Variants in FSTL5 observed in about 807,000 individuals in gnomAD.
The protein encoded by FSTL5 is follistatin like 5, also known as follistatin-related protein 5.
Under a neutral mutation model 89.1 loss-of-function variants are expected in FSTL5, and 62 were observed. That is an observed-to-expected ratio of 0.70 (90% CI 0.57 to 0.86). The LOEUF is 0.86. FSTL5 is among the 40% of genes least tolerant of loss of function. The probability of loss-of-function intolerance (pLI) is 0.00; values close to 1 mark genes in which losing one functional copy is unlikely to be tolerated. For synonymous variants in FSTL5, 383 were observed against 346.2 expected (o/e 1.11, Z -1.18); for missense variants, 1,057 against 1,001.6 (o/e 1.06, Z -0.75).
chr4:161,417,028 T>C (rs1436747188), intron 15 of FSTL5, among the ~76,000 whole-genome samples: 1 of 152,130 alleles, frequency 6.6e-6, no homozygotes, highest in African/African-American at 2.4e-5. Context: ...TGTCTTGGGT[T>C]TTTATTTAGA....
rs1560840948 is a variant in FSTL5, at chr4:161,779,797, A to ATGTATATATATACG, written c.410-3724_410-3723insCGTATATATATACA. ...TATGTATATATATATATATATATAT[A>ATGTATATATATACG]TATATATATATATGTATATATATAT... is the stretch of plus-strand genomic sequence containing the variant. On this transcript the variant is annotated intron_variant, in intron 4 of 15. Coordinates refer to ENST00000306100, the MANE Select transcript of FSTL5 (RefSeq NM_020116.5). 5.7e-5 allele frequency among the ~76,000 whole-genome samples: 3 copies of ATGTATATATATACG among 52,198 alleles called. No homozygotes were observed. The East Asian group carries it at 1.6e-3, about 28-fold the overall frequency. 34.2% of individuals were successfully genotyped at this position (52,198 alleles called of 152,430 possible).
chr4:161,609,005 A>T (rs1165848848), intron 7 of FSTL5, among the ~76,000 whole-genome samples: 5 of 151,986 alleles, frequency 3.3e-5, no homozygotes, highest in African/African-American at 9.7e-5. Context: ...TGTATATTTT[A>T]TCATATTAAC....
chr4:161,743,007 T>C (rs1203525251), intron 6 of FSTL5, among the ~76,000 whole-genome samples: 1 of 152,160 alleles, frequency 6.6e-6, no homozygotes, highest in African/African-American at 2.4e-5. Context: ...TACCATTCCT[T>C]GGGTGGTCTT....
intron 3 of FSTL5, among the ~76,000 whole-genome samples, chr4:161,980,094 A>AAAAAAAAG (rs141935451): frequency 1.3e-5 from 2 of 148,940 alleles, no homozygotes; most frequent in African/African-American, 5.0e-5. Context: ...AGAAAAAAGA[A>AAAAAAAAG]AAAGAAAGAG....
chr4:162,140,221 T>C (rs376850989), intron 1 of FSTL5, among the ~76,000 whole-genome samples: 2 of 152,138 alleles, frequency 1.3e-5, no homozygotes, highest in African/African-American at 2.4e-5. Context: ...CTATTCACCA[T>C]GTCTAGTAAG....
chr4:161,532,850 C>T (rs1032378359), intron 10 of FSTL5, among the ~76,000 whole-genome samples: 1 of 151,708 alleles, frequency 6.6e-6, no homozygotes. Context: ...TTAATAAATG[C>T]AAAAAAATCA....
intron 4 of FSTL5, among the ~76,000 whole-genome samples, chr4:161,840,663 G>A (rs975369912): frequency 6.6e-5 from 10 of 152,126 alleles, no homozygotes; most frequent in African/African-American, 1.4e-4. Flanking sequence ...TCTCACTCCC[G>A]CCTAATCTGT....
chr4:161,500,689 C>A (rs953010147), intron 11 of FSTL5, among the ~76,000 whole-genome samples: 1 of 152,044 alleles, frequency 6.6e-6, no homozygotes, highest in Admixed American at 6.6e-5. Context: ...TTAATATTGG[C>A]AATTTGGGAA....
chr4:161,796,243 C>T (rs1039577947), intron 4 of FSTL5, among the ~76,000 whole-genome samples: 7 of 151,744 alleles, frequency 4.6e-5, no homozygotes, highest in Non-Finnish European at 7.4e-5. Context: ...TTAACTTAGT[C>T]GAAAGTTTCC....
At chr4:161,519,048 C>G (rs1204100514) in intron 10 of FSTL5, among the ~76,000 whole-genome samples, 1 of 152,118 alleles carries the variant, frequency 6.6e-6, no homozygotes, top group Admixed American at 6.5e-5. Context: ...TGGGTTTCTC[C>G]CAGAAATGTG....
At chr4:161,924,274 C>T (rs1444382415) in intron 3 of FSTL5, among the ~76,000 whole-genome samples, 1 of 151,086 alleles carries the variant, frequency 6.6e-6, no homozygotes, top group Non-Finnish European at 1.5e-5. Context: ...AAAGACTAAA[C>T]ATACCAAGCA....
intron 4 of FSTL5, among the ~76,000 whole-genome samples, chr4:161,803,622 T>C (rs1005567838): frequency 4.6e-5 from 7 of 151,910 alleles, no homozygotes; most frequent in Admixed American, 3.9e-4. Context: ...TTACCCAAAA[T>C]ACTCATATTG....
chr4:162,141,105 TC>T (rs1732716267), intron 1 of FSTL5, among the ~76,000 whole-genome samples: 1 of 99,126 alleles, frequency 1.0e-5, no homozygotes, highest in Admixed American at 1.2e-4. Flanking sequence ...CTCCCTTCTC[TC>T]TTTTTTTTTT....
chr4:162,142,918 T>C (rs1309645035), intron 1 of FSTL5, among the ~76,000 whole-genome samples: 1 of 152,196 alleles, frequency 6.6e-6, no homozygotes, highest in Non-Finnish European at 1.5e-5. Flanking sequence ...TATGTATGCA[T>C]AATACCTAAT....
Position 162,007,177 on chromosome 4 carries a change from C to T in FSTL5, c.160+26448G>A, listed in dbSNP as rs894866806. Among the ~76,000 whole-genome samples, 3 of 151,702 alleles carry T rather than the reference C, an allele frequency of 2.0e-5. No individual in the cohort carries two copies. The East Asian group carries it at 5.8e-4, about 29-fold the overall frequency. ...TTGTTTAATTTAAAATGACATAAAGCGAATTGCTATCCTAGAGGAGTGCTA... is the reference window on the plus strand; with the variant it reads ...TTGTTTAATTTAAAATGACATAAAGTGAATTGCTATCCTAGAGGAGTGCTA... On this transcript the variant is annotated intron_variant, in intron 3 of 15. Coordinates refer to ENST00000306100, the MANE Select transcript of FSTL5 (RefSeq NM_020116.5).
Position 161,500,000 on chromosome 4 carries a change from C to A in FSTL5, c.1458+16G>T, listed in dbSNP as rs188017875. 66 of 1,495,814 alleles carry A rather than the reference C, an allele frequency of 4.4e-5. No homozygotes were observed. In the African/African-American group the frequency reaches 6.8e-4, roughly 15 times the overall value. The allele number at this position is 1,495,814 out of a possible 1,614,324, so 92.7% of individuals were successfully genotyped here. On this transcript the variant is annotated intron_variant, in intron 12 of 15. Transcript: ENST00000306100. ...ATTTCTGCATAAAACGTCAAAGGAACTTTTTAGATACTTGCCTGAAATCCA... is the reference window on the plus strand; with the variant it reads ...ATTTCTGCATAAAACGTCAAAGGAAATTTTTAGATACTTGCCTGAAATCCA...
At chr4:161,486,017 G>A (rs1013587333) in intron 12 of FSTL5, among the ~76,000 whole-genome samples, 5 of 151,688 alleles carry the variant, frequency 3.3e-5, no homozygotes, top group East Asian at 1.9e-4. Context: ...GGTGGTGCAC[G>A]CCTGTAATCC....
intron 15 of FSTL5, among the ~76,000 whole-genome samples, chr4:161,396,185 C>G (rs1367060010): frequency 6.6e-6 from 1 of 151,344 alleles, no homozygotes; most frequent in Non-Finnish European, 1.5e-5. Flanking sequence ...GCTCAGCCAT[C>G]AACCAATCCA....
At chr4:161,930,866 CT>C (rs1202209888) in intron 3 of FSTL5, among the ~76,000 whole-genome samples, 2 of 151,930 alleles carry the variant, frequency 1.3e-5, no homozygotes, top group East Asian at 3.9e-4. Context: ...TTTCCAAGTG[CT>C]TATATTCCTT....
Sources: gnomAD v4.1 joint callset for allele counts (sites outside exome capture counted in the v4.1 genomes callset) on GRCh38, gnomAD v4.1.1 for gene constraint, MANE v1.5 for transcripts, NCBI Gene and HGNC (gene_info 2026-07-23, HGNC 2026-07-21) for gene names.